Variants in SLC1A2 observed in about 807,000 individuals in gnomAD.
SLC1A2 encodes excitatory amino acid transporter 2.
SLC1A2 carries 15 observed loss-of-function variants against 48.8 expected under a neutral mutation model. The ratio of observed to expected loss-of-function variants is 0.31; its 90% CI spans 0.21 to 0.47. The LOEUF (loss-of-function observed/expected upper bound fraction) is 0.47. SLC1A2 is among the 20% of genes least tolerant of loss of function. SLC1A2 has a pLI of 0.99. For missense variants in SLC1A2, 502 were observed against 730.5 expected, an observed-to-expected ratio of 0.69 and a Z score of 3.61; for synonymous variants, 279 against 272.6, an observed-to-expected ratio of 1.02 and a Z score of -0.23.
At chr11:35,375,120 T>C (rs551653877) in intron 1 of SLC1A2, among the ~76,000 whole-genome samples, 19 of 152,328 alleles carry the variant, frequency 1.2e-4, no homozygotes, top group African/African-American at 4.6e-4. Context: ...ACTATTTGTG[T>C]AACATGGATT....
chr11:35,309,956 G>A (rs1241161255), intron 4 of SLC1A2, among the ~76,000 whole-genome samples: 1 of 152,186 alleles, frequency 6.6e-6, no homozygotes, highest in Non-Finnish European at 1.5e-5. Flanking sequence ...GTTGGGGTCA[G>A]GGCTGGCGTG....
intron 1 of SLC1A2, among the ~76,000 whole-genome samples, chr11:35,394,133 C>CT (rs143193915): frequency 1.3e-5 from 2 of 151,526 alleles, no homozygotes; most frequent in African/African-American, 4.9e-5. Context: ...TAGGGTCTAA[C>CT]TTTTTTTTTA....
intron 1 of SLC1A2, among the ~76,000 whole-genome samples, chr11:35,407,043 A>G (rs961793489): frequency 6.6e-5 from 10 of 152,218 alleles, no homozygotes; most frequent in African/African-American, 2.4e-4. Flanking sequence ...AAAGAGAAGA[A>G]TTCCAACTAG....
rs1950248578 is a variant in SLC1A2 at position 35,252,213 on chromosome 11, T to G, written c.*8681A>C. 1 of 152,604 alleles carries G rather than the reference T, an allele frequency of 6.6e-6. No individual in the cohort carries two copies. Among genetic ancestry groups the G allele is most frequent in the Admixed American group, 6.5e-5 (1 of 15,268 alleles). 9.5% of individuals were successfully genotyped at this position (152,604 alleles called of 1,614,324 possible). On this transcript the variant is annotated 3_prime_UTR_variant, in exon 11 of 11. Coordinates refer to ENST00000278379, the MANE Select transcript of SLC1A2 (RefSeq NM_004171.4). ...GCAGTTAGTTAGTCAGCAATGTTTT[T>G]TCCTGTACCCTGACTCAAAAATCCA...
intron 1 of SLC1A2, among the ~76,000 whole-genome samples, chr11:35,382,221 C>A (rs1854447713): frequency 6.6e-6 from 1 of 152,206 alleles, no homozygotes; most frequent in South Asian, 2.1e-4. Flanking sequence ...ACTTGTTGGA[C>A]CTTTACTTAC....
intron 6 of SLC1A2, among the ~76,000 whole-genome samples, chr11:35,296,839 G>A (rs1342310100): frequency 2.0e-5 from 3 of 151,934 alleles, no homozygotes; most frequent in Non-Finnish European, 4.4e-5. Flanking sequence ...GCTATTGCAC[G>A]GCACTTATTA....
chr11:35,274,434 G>A (rs1463916029), intron 9 of SLC1A2, among the ~76,000 whole-genome samples: 5 of 152,186 alleles, frequency 3.3e-5, no homozygotes, highest in Admixed American at 3.3e-4. Flanking sequence ...AGAGAATTCA[G>A]TGGAAGTGGG....
At position 35,265,593 on chromosome 11, in the gene SLC1A2, G is replaced by C. The variant is rs367650941; in HGVS notation, c.1587C>G (p.His529Gln). ...CACATTGATTAGAGTTGCTTTCCCT[G>C]TGGTTCTTCATGTCATCATAAATGG... ...TQSIYDDMKNHRESNSNQCVY... is the reference protein window; with the variant it reads ...TQSIYDDMKNQRESNSNQCVY... The change falls in exon 10 of 11, where the codon CAC (histidine) becomes CAG (glutamine). Residue 529 changes from histidine to glutamine, a missense_variant. Coordinates refer to ENST00000278379, the MANE Select transcript of SLC1A2 (RefSeq NM_004171.4). 1 of 1,612,544 alleles carries C rather than the reference G, an allele frequency of 6.2e-7. No individual in the cohort carries two copies. The highest frequency in any genetic ancestry group is 8.5e-7 in the Non-Finnish European group (1 of 1,178,722).
At chr11:35,338,002 G>A (rs1325684316) in intron 1 of SLC1A2, among the ~76,000 whole-genome samples, 2 of 152,076 alleles carry the variant, frequency 1.3e-5, no homozygotes, top group East Asian at 3.8e-4. Flanking sequence ...CATTTCTTAA[G>A]TGCTTTGCAT....
intron 1 of SLC1A2, among the ~76,000 whole-genome samples, chr11:35,318,180 T>A (rs571765265): frequency 6.6e-6 from 1 of 152,150 alleles, no homozygotes; most frequent in African/African-American, 2.4e-5. Context: ...CTTTAAGAAG[T>A]ATTTTGATCA....
At chr11:35,344,457 C>T (rs1286873837) in intron 1 of SLC1A2, among the ~76,000 whole-genome samples, 1 of 152,184 alleles carries the variant, frequency 6.6e-6, no homozygotes, top group Non-Finnish European at 1.5e-5. Context: ...CAAGCTCTCA[C>T]TACACAGTGC....
chr11:35,419,236 G>T lies in SLC1A2; in HGVS notation c.-270C>A. ...GATGGCGCTTGGCGGGGAGCTCCGG[G>T]GGCTCCGAGGGTGGCTTCCCCGAGA... On this transcript the variant is annotated 5_prime_UTR_variant, in exon 1 of 11. Transcript: ENST00000278379. The surrounding 1 kb of genome is among the most constrained non-coding windows in gnomAD (Gnocchi z 5.4). 1 of 413,652 alleles carries T rather than the reference G, an allele frequency of 2.4e-6. No homozygotes were observed. The highest frequency in any genetic ancestry group is 3.9e-5 in the East Asian group (1 of 25,394). 25.6% of individuals were successfully genotyped at this position (413,652 alleles called of 1,614,324 possible). A position where few individuals can be genotyped will look rare whatever the true frequency, so the allele number is the denominator to read the frequency against.
At chr11:35,347,138 G>C (rs1382973913) in intron 1 of SLC1A2, among the ~76,000 whole-genome samples, 1 of 152,222 alleles carries the variant, frequency 6.6e-6, no homozygotes, top group African/African-American at 2.4e-5. Context: ...GTTTGGGAGG[G>C]ATAAGAGTTT....
intron 5 of SLC1A2, among the ~76,000 whole-genome samples, chr11:35,304,831 A>G (rs563064639): frequency 1.4e-4 from 22 of 152,122 alleles, no homozygotes; most frequent in Non-Finnish European, 3.2e-4. Flanking sequence ...TAGTATTATT[A>G]TGTCCCATGC....
chr11:35,258,469 G>C lies in SLC1A2; in HGVS notation c.*2425C>G, dbSNP rs1950344302. The C allele has an allele frequency of 6.6e-6, 1 of 152,616 alleles. No individual in the cohort carries two copies. 9.5% of individuals were successfully genotyped at this position (152,616 alleles called of 1,614,324 possible). On this transcript the variant is annotated 3_prime_UTR_variant, in exon 11 of 11. Coordinates refer to ENST00000278379, the MANE Select transcript of SLC1A2 (RefSeq NM_004171.4). ...CCACTCCATTGAGAAACATGCCCAT[G>C]TATATAGATCCCAAAGCTGGCCTTC...
chr11:35,389,440 T>TCTTCTCCTTCTC (rs148540771), intron 1 of SLC1A2, among the ~76,000 whole-genome samples: 7,284 of 151,300 alleles, frequency 0.048, 371 homozygotes, highest in African/African-American at 0.13. Flanking sequence ...ATTTTCTTCT[T>TCTTCTCCTTCTC]CTTCTCCTTC....
At chr11:35,328,423 T>C (rs1252385820) in intron 1 of SLC1A2, among the ~76,000 whole-genome samples, 2 of 152,210 alleles carry the variant, frequency 1.3e-5, no homozygotes, top group African/African-American at 4.8e-5. Context: ...TAAGTCTTCT[T>C]ATATATGAAC....
chr11:35,296,499 C>T (rs111912794), intron 6 of SLC1A2, among the ~76,000 whole-genome samples: 7 of 152,260 alleles, frequency 4.6e-5, no homozygotes, highest in African/African-American at 1.4e-4. Context: ...GTTAGTATAG[C>T]CTCCAGGTTT....
chr11:35,324,014 G>C (rs1565244300), intron 1 of SLC1A2, among the ~76,000 whole-genome samples: 1 of 152,328 alleles, frequency 6.6e-6, no homozygotes, highest in Non-Finnish European at 1.5e-5. Flanking sequence ...CTAAGTCATT[G>C]AGAGACCACC....
Sources: allele counts gnomAD v4.1 joint callset (sites outside exome capture counted in the v4.1 genomes callset), GRCh38; gene constraint gnomAD v4.1.1; non-coding constraint Gnocchi (gnomAD v3.1); transcripts MANE v1.5; gene names NCBI Gene and HGNC (gene_info 2026-07-23, HGNC 2026-07-21).